TCHHL1: variants seen among roughly 807,000 people sequenced by gnomAD.
TCHHL1 encodes the protein trichohyalin like 1, also known as trichohyalin-like protein 1.
TCHHL1 carries 1 observed loss-of-function variant against 3.5 expected under a neutral mutation model. The ratio of observed to expected loss-of-function variants is 0.29; its 90% CI spans 0.10 to 1.36. The LOEUF (loss-of-function observed/expected upper bound fraction) is 1.36. Ranked by LOEUF, TCHHL1 falls within the 40% of genes most tolerant of loss-of-function variation. TCHHL1 has a pLI of 0.43. For missense variants in TCHHL1, 1,027 were observed against 1,032.8 expected (o/e 0.99, Z 0.08); for synonymous variants, 405 against 375.3 (o/e 1.08, Z -0.92).
rs1435752720 is a variant in TCHHL1 at position 152,087,247 on chromosome 1, G to A, written c.435C>T (p.Ile145=). The A allele has an allele frequency of 6.2e-7, 1 of 1,613,942 alleles. No homozygotes were observed. Among genetic ancestry groups the A allele is most frequent in the African/African-American group, 1.3e-5 (1 of 74,864 alleles). Residue 145 remains isoleucine (I), a synonymous_variant, in exon 3 of 3, where the codon ATC becomes ATT. Transcript: ENST00000368806. The stretch of plus-strand genomic sequence containing the variant: ...TTCCAACTGCTCCACTTTCTTCAGG[G>A]ATGAGCTGAGATGATGATGCCATTC... ...PSGMASSSQL[I]PEESGAVGNN... is the part of the protein sequence containing the mutation.
rs1657707506 is a variant in TCHHL1, at chr1:152,085,702, T to A, written c.1980A>T (p.Ala660=). 6.2e-7 allele frequency: 1 copy of A among 1,614,098 alleles called. No individual in the cohort carries two copies. The highest frequency in any genetic ancestry group is 1.1e-5 in the South Asian group (1 of 91,090). ...NGHPEAQEST[A]GDENRKSLEI... ...CCAGGGACTTTCTATTTTCATCTCC[T>A]GCTGTGGATTCCTGTGCTTCTGGGT... Residue 660 remains alanine, a synonymous_variant, in exon 3 of 3, where the codon GCA becomes GCT. Transcript: ENST00000368806.
intron 1 of TCHHL1, among the ~76,000 whole-genome samples, chr1:152,088,614 A>G (rs569498337): frequency 3.8e-4 from 58 of 152,162 alleles, no homozygotes; most frequent in Non-Finnish European, 6.8e-4. Flanking sequence ...CAAAGCTTCT[A>G]GTGGAAAGAT....
chr1:152,086,128 C>T lies in TCHHL1; in HGVS notation c.1554G>A (p.Lys518=), dbSNP rs1381514709. ...QSVGENTRVT[K]THDQPVEEED... ...CCTCCTCAACTGGTTGGTCATGAGTCTTGGTGACCCTAGTATTTTCTCCTA... is the reference window on the plus strand; with the variant it reads ...CCTCCTCAACTGGTTGGTCATGAGTTTTGGTGACCCTAGTATTTTCTCCTA... The change falls in exon 3 of 3, where the codon AAG becomes AAA. Residue 518 remains lysine, a synonymous_variant. Transcript: ENST00000368806. The T allele has an allele frequency of 4.3e-6, 7 of 1,614,052 alleles. No individual in the cohort carries two copies. In the African/African-American group the frequency reaches 9.3e-5, roughly 22 times the overall value.
At position 152,086,239 on chromosome 1, in the gene TCHHL1, C is replaced by G. The variant is rs1217774359; in HGVS notation, c.1443G>C (p.Val481=). ...HTKEGTAEAF[V]NSKNAPAAER... is the part of the protein sequence containing the mutation. ...CTGCTGCAGGTGCGTTTTTGCTGTT[C>G]ACAAATGCTTCTGCTGTGCCTTCTT... Residue 481 remains valine (V), a synonymous_variant, in exon 3 of 3, where the codon GTG becomes GTC. Coordinates refer to ENST00000368806, the MANE Select transcript of TCHHL1 (RefSeq NM_001008536.2). The G allele has an allele frequency of 1.9e-6, 3 of 1,614,074 alleles. No individual in the cohort carries two copies. The highest frequency in any genetic ancestry group is 2.5e-6 in the Non-Finnish European group (3 of 1,180,034).
At position 152,085,302 on chromosome 1, in the gene TCHHL1, C is replaced by G; in HGVS notation, c.2380G>C (p.Gly794Arg). 6.2e-7 allele frequency: 1 copy of G among 1,614,108 alleles called. No individual in the cohort carries two copies. Residue 794 changes from glycine (G) to arginine (R), a missense_variant, in exon 3 of 3, where the codon GGT becomes CGT. Physicochemically the swap from Gly to Arg is moderately radical, Grantham distance 125. Around this residue, in one of 3 missense-constraint regions of TCHHL1, gnomAD observed 673 missense variants for 658.6 expected, o/e 1.02. Coordinates refer to ENST00000368806, the MANE Select transcript of TCHHL1 (RefSeq NM_001008536.2). ...RDQEPCSVER[G>R]AVYSSPLYQY... is the part of the protein sequence containing the mutation. ...TATAGTGGACTGGAATAGACTGCAC[C>G]CCTCTCCACAGAACAGGGCTCTTGG...
Position 152,085,025 on chromosome 1 carries a change from C to A in TCHHL1, c.2657G>T (p.Gly886Val). Reference sequence around the variant, plus strand: ...TACCAGCCTCTCTCTCTGAGGGTGACCTTGCTTATCTTCCAAGGCCTGGGG... The same window carrying A: ...TACCAGCCTCTCTCTCTGAGGGTGAACTTGCTTATCTTCCAAGGCCTGGGG... ...PAPQALEDKQGHPQRERLVLQ... is the reference protein window; with the variant it reads ...PAPQALEDKQVHPQRERLVLQ... Residue 886 changes from glycine (G) to valine (V), a missense_variant, in exon 3 of 3, where the codon GGT becomes GTT. Physicochemically the swap from Gly to Val is moderately radical, Grantham distance 109. Coordinates refer to ENST00000368806, the MANE Select transcript of TCHHL1 (RefSeq NM_001008536.2). 2.5e-6 allele frequency: 4 copies of A among 1,614,020 alleles called. No individual in the cohort carries two copies. The highest frequency in any genetic ancestry group is 3.4e-6 in the Non-Finnish European group (4 of 1,180,010).
rs1400925070 is a variant in TCHHL1 at position 152,085,680 on chromosome 1, G to C, written c.2002C>G (p.Leu668Val). 1 of 1,614,152 alleles carries C rather than the reference G, an allele frequency of 6.2e-7. No individual in the cohort carries two copies. The highest frequency in any genetic ancestry group is 8.5e-7 in the Non-Finnish European group (1 of 1,180,040). The part of the protein sequence containing the change: ...STAGDENRKS[L>V]EIEITGALDE... ...AGGGCACCTGTGATCTCTATTTCCA[G>C]GGACTTTCTATTTTCATCTCCTGCT... The change falls in exon 3 of 3, where the codon CTG (leucine) becomes GTG (valine). Residue 668 changes from leucine to valine, a missense_variant. By Grantham distance (32) the Leu-to-Val change is conservative. Coordinates refer to ENST00000368806, the MANE Select transcript of TCHHL1 (RefSeq NM_001008536.2).
rs1355489175 is a variant in TCHHL1 at position 152,086,184 on chromosome 1, G to A, written c.1498C>T (p.Gln500Ter). 2 of 1,614,074 alleles carry A rather than the reference G, an allele frequency of 1.2e-6. No individual in the cohort carries two copies. Among genetic ancestry groups the A allele is most frequent in the South Asian group, 1.1e-5 (1 of 91,084 alleles). The change falls in exon 3 of 3, where the codon CAA becomes TAA. Residue 500 changes from glutamine (Q) to a stop codon, truncating the protein, a stop_gained. Coordinates refer to ENST00000368806, the MANE Select transcript of TCHHL1 (RefSeq NM_001008536.2). LOFTEE classifies it low-confidence loss of function (END_TRUNC). ...TGCTTCTCAAGTGGTGCTAAATCTT[G>A]TGTTCTTTCTCTTGCCCCCAGTGTC... ...ERTLGARERT[Q>*]DLAPLEKQSV...
rs547452790 is a variant in TCHHL1, at chr1:152,087,563, G to T, written c.139-20C>A. 1.3e-6 allele frequency: 2 copies of T among 1,567,552 alleles called. No homozygotes were observed. Among genetic ancestry groups the T allele is most frequent in the South Asian group, 1.2e-5 (1 of 83,986 alleles). On this transcript the variant is annotated intron_variant, in intron 2 of 2. Transcript: ENST00000368806. ...ACAGGGCTGCATGAAAACACAGTGA[G>T]AAATCAGCTTATTTATATGTGGTCC...
At position 152,085,006 on chromosome 1, in the gene TCHHL1, C is replaced by CCT. The variant is rs1001833190; in HGVS notation, c.2674_2675dup (p.Leu893GlyfsTer94). 1 of 1,613,880 alleles carries CCT rather than the reference C, an allele frequency of 6.2e-7. No individual in the cohort carries two copies. The highest frequency in any genetic ancestry group is 8.5e-7 in the Non-Finnish European group (1 of 1,179,958). On this transcript the variant is annotated frameshift_variant, in exon 3 of 3. Coordinates refer to ENST00000368806, the MANE Select transcript of TCHHL1 (RefSeq NM_001008536.2). LOFTEE classifies it high-confidence loss of function. ...TGCTTGCCTCCCTTTGTAGTACCAGCCTCTCTCTCTGAGGGTGACCTTGCT... is the reference window on the plus strand; with the variant it reads ...TGCTTGCCTCCCTTTGTAGTACCAGCCTCTCTCTCTCTGAGGGTGACCTTGCT...
intron 2 of TCHHL1, 74 bp downstream of exon 2, chr1:152,087,932 A>T (rs1657765195): frequency 6.7e-7 from 1 of 1,503,466 alleles, no homozygotes. Context: ...TGGGGATCAC[A>T]TATGCTCATC....
Position 152,086,092 on chromosome 1 carries a change from G to C in TCHHL1, c.1590C>G (p.Tyr530Ter). 6.2e-7 allele frequency: 1 copy of C among 1,614,094 alleles called. No homozygotes were observed. Among genetic ancestry groups the C allele is most frequent in the East Asian group, 2.2e-5 (1 of 44,866 alleles). ...ATGGTGACTCAGGGTCCTCCCCCTG[G>C]TAACCATCCTCCTCCTCAACTGGTT... ...HDQPVEEEDG[Y>*]QGEDPESPFT... is the part of the protein sequence containing the mutation. The change falls in exon 3 of 3, where the codon TAC (tyrosine) becomes TAG (stop). Residue 530 changes from tyrosine (Y) to a stop codon, truncating the protein, a stop_gained. Coordinates refer to ENST00000368806, the MANE Select transcript of TCHHL1 (RefSeq NM_001008536.2). LOFTEE classifies it low-confidence loss of function (END_TRUNC).
At position 152,086,000 on chromosome 1, in the gene TCHHL1, C is replaced by G; in HGVS notation, c.1682G>C (p.Ser561Thr). The G allele has an allele frequency of 6.2e-7, 1 of 1,614,246 alleles. No individual in the cohort carries two copies. The highest frequency in any genetic ancestry group is 8.5e-7 in the Non-Finnish European group (1 of 1,180,054). ...NSLASEEGNS[S>T]SETGELPVQG... The stretch of plus-strand genomic sequence containing the variant: ...CACAGGCAGTTCACCTGTCTCTGAG[C>G]TGCTATTGCCTTCCTCTGAAGCCAG... Residue 561 changes from serine (S) to threonine (T), a missense_variant, in exon 3 of 3, where the codon AGC becomes ACC. By Grantham distance (58) the Ser-to-Thr change is moderately conservative (BLOSUM62 1). Transcript: ENST00000368806.
At chr1:152,087,674 A>T (rs1657759260) in intron 2 of TCHHL1, 131 bp from the exon 3 acceptor site, 6 of 1,004,504 alleles carry the variant, frequency 6.0e-6, no homozygotes, top group Non-Finnish European at 8.5e-6. Flanking sequence ...GCAAGAACTT[A>T]TTGGTTCTGC....
chr1:152,086,060 T>G lies in TCHHL1; in HGVS notation c.1622A>C (p.Gln541Pro), dbSNP rs781615430. The change falls in exon 3 of 3, where the codon CAG becomes CCG. Residue 541 changes from glutamine to proline, a missense_variant. Gln to Pro is a moderately conservative substitution (Grantham distance 76). Around this residue, in one of 3 missense-constraint regions of TCHHL1, gnomAD observed 673 missense variants for 658.6 expected, o/e 1.02. Transcript: ENST00000368806. ...QGEDPESPFT[Q>P]SDEGSSETPN... ...AGTTTCAGAAGACCCCTCATCACTC[T>G]GTGTGAATGGTGACTCAGGGTCCTC... The G allele has an allele frequency of 1.1e-5, 18 of 1,614,110 alleles. No homozygotes were observed. Among genetic ancestry groups the G allele is most frequent in the Non-Finnish European group, 1.5e-5 (18 of 1,180,054 alleles).
rs762722906 is a variant in TCHHL1, at chr1:152,086,846, C to T, written c.836G>A (p.Arg279Lys). Residue 279 changes from arginine to lysine, a missense_variant, in exon 3 of 3, where the codon AGA becomes AAA. By Grantham distance (26) the Arg-to-Lys change is conservative (BLOSUM62 2). Transcript: ENST00000368806. ...ATTAGAGTGTTTTTCCTTTTCTGTTCTAACTTCCTGATCTTCACATGGTCT... is the reference window on the plus strand; with the variant it reads ...ATTAGAGTGTTTTTCCTTTTCTGTTTTAACTTCCTGATCTTCACATGGTCT... ...TQRPCEDQEV[R>K]TEKEKHSNIQ... The T allele has an allele frequency of 8.7e-6, 14 of 1,614,040 alleles. No individual in the cohort carries two copies. In the Admixed American group the frequency reaches 1.7e-4, roughly 19 times the overall value.
chr1:152,084,563 A>G lies in TCHHL1; in HGVS notation c.*404T>C, dbSNP rs1480427798. On this transcript the variant is annotated 3_prime_UTR_variant, in exon 3 of 3. Transcript: ENST00000368806. Reference sequence around the variant, plus strand: ...TGTCATGAAGCAGAGTAATCTATATATATGAATTAATATTTTATGATTATG... The same window carrying G: ...TGTCATGAAGCAGAGTAATCTATATGTATGAATTAATATTTTATGATTATG... 1 of 161,220 alleles carries G rather than the reference A, an allele frequency of 6.2e-6. No homozygotes were observed. The highest frequency in any genetic ancestry group is 2.4e-5 in the African/African-American group (1 of 41,556). 10.0% of individuals were successfully genotyped at this position (161,220 alleles called of 1,614,324 possible). A position where few individuals can be genotyped will look rare whatever the true frequency, so the allele number is the denominator to read the frequency against.
Position 152,085,577 on chromosome 1 carries a change from T to C in TCHHL1, c.2105A>G (p.Gln702Arg). ...TTTCTCTTCTTTGCTACTTGGGCCT[T>C]GGACCTTTAATTCATTTCTGCTATC... ...KGDSRNELKV[Q>R]GPSSKEEKGR... Residue 702 changes from glutamine (Q) to arginine (R), a missense_variant, in exon 3 of 3, where the codon CAA becomes CGA. By Grantham distance (43) the Gln-to-Arg change is conservative. This residue lies in a region of TCHHL1 where 673 missense variants were observed against 658.6 expected (regional missense o/e 1.02). Transcript: ENST00000368806. The C allele has an allele frequency of 6.2e-7, 1 of 1,614,254 alleles. No individual in the cohort carries two copies. The highest frequency in any genetic ancestry group is 8.5e-7 in the Non-Finnish European group (1 of 1,180,038).
At position 152,085,560 on chromosome 1, in the gene TCHHL1, C is replaced by T; in HGVS notation, c.2122G>A (p.Glu708Lys). The T allele has an allele frequency of 1.2e-6, 2 of 1,614,232 alleles. No individual in the cohort carries two copies. Among genetic ancestry groups the T allele is most frequent in the Non-Finnish European group, 1.7e-6 (2 of 1,180,040 alleles). ...GCCTCTGTTGCTCTTCCTTTCTCTT[C>T]TTTGCTACTTGGGCCTTGGACCTTT... ...ELKVQGPSSK[E>K]EKGRATEAQN... Residue 708 changes from glutamate to lysine, a missense_variant, in exon 3 of 3, where the codon GAA (glutamate) becomes AAA (lysine). By Grantham distance (56) the Glu-to-Lys change is moderately conservative. Coordinates refer to ENST00000368806, the MANE Select transcript of TCHHL1 (RefSeq NM_001008536.2).
Sources: gnomAD v4.1 joint callset for allele counts (sites outside exome capture counted in the v4.1 genomes callset) on GRCh38, gnomAD v4.1.1 for gene constraint, gnomAD v4.1.1 regional missense constraint, MANE v1.5 for transcripts, NCBI Gene and HGNC (gene_info 2026-07-23, HGNC 2026-07-21) for gene names.